The following NMBR variants were observed in gnomAD, a reference collection of about 807,000 sequenced individuals.
NMBR encodes neuromedin-B receptor.
Under a neutral mutation model 20.5 loss-of-function variants are expected in NMBR, and 16 were observed. That is an observed-to-expected ratio of 0.78 (90% CI 0.53 to 1.19). The LOEUF (loss-of-function observed/expected upper bound fraction) is 1.19, where lower values mean the gene tolerates loss of function less well. NMBR is among the 50% of genes most tolerant of loss of function. The pLI, the probability that NMBR is intolerant of heterozygous loss-of-function variation, is 0.00. For synonymous variants in NMBR, 212 were observed against 196.6 expected, an observed-to-expected ratio of 1.08 and a Z score of -0.65; for missense variants, 582 against 499.1, an observed-to-expected ratio of 1.17 and a Z score of -1.58.
At chr6:142,107,181 A>G (rs1050382580) in intron 1 of NMBR, among the ~76,000 whole-genome samples, 1 of 152,162 alleles carries the variant, frequency 6.6e-6, no homozygotes, top group Non-Finnish European at 1.5e-5. Flanking sequence ...TTTTATAAAC[A>G]CTATCTAGGA....
rs1230793487 is a variant in NMBR, at chr6:142,113,085, T to C, written c.-663-23764A>G. On this transcript the variant is annotated intron_variant, in intron 1 of 3. Coordinates refer to ENST00000258042, the MANE Select transcript of NMBR (RefSeq NM_002511.4). ...TTTTTTTCAAAAATTTTTTAAATGC[T>C]ACAACTAAATTTATGATACATGCTA... 3.3e-5 allele frequency among the ~76,000 whole-genome samples: 5 copies of C among 152,076 alleles called. No homozygotes were observed. In the South Asian group the frequency reaches 6.2e-4, roughly 19 times the overall value.
At chr6:142,094,128 T>C in intron 1 of NMBR, among the ~76,000 whole-genome samples, 1 of 152,158 alleles carries the variant, frequency 6.6e-6, no homozygotes, top group Non-Finnish European at 1.5e-5. Context: ...GTAGTTTCTT[T>C]TGCTGTGCCG....
intron 1 of NMBR, among the ~76,000 whole-genome samples, chr6:142,104,060 C>T (rs1777612448): frequency 6.6e-6 from 1 of 152,136 alleles, no homozygotes; most frequent in Non-Finnish European, 1.5e-5. Flanking sequence ...AAATAACTGA[C>T]ATGTGGAAAT....
intron 2 of NMBR, among the ~76,000 whole-genome samples, chr6:142,086,692 A>G (rs1777207020): frequency 6.6e-6 from 1 of 152,150 alleles, no homozygotes; most frequent in Non-Finnish European, 1.5e-5. Context: ...TGAAACAAAG[A>G]AAGTCAGTAA....
intron 2 of NMBR, among the ~76,000 whole-genome samples, chr6:142,079,133 G>GAAAGAAAT (rs1777038166): frequency 9.1e-6 from 1 of 109,746 alleles, no homozygotes; most frequent in East Asian, 3.0e-4. Context: ...AAAGAAGAAA[G>GAAAGAAAT]AAAGAAAGAA....
In NMBR at chr6:142,133,117, A is replaced by C. The variant is rs1778174056; in HGVS notation, c.-664+13927T>G. ...AGAAGCAAACTGGCAATGTGGGTCA[A>C]GAATTAACCAACAGGAATGCCAGGA... On this transcript the variant is annotated intron_variant, in intron 1 of 3. Coordinates refer to ENST00000258042, the MANE Select transcript of NMBR (RefSeq NM_002511.4). 4 of 641,700 alleles carry C rather than the reference A, an allele frequency of 6.2e-6. No individual in the cohort carries two copies. The African/African-American group carries it at 7.3e-5, about 12-fold the overall frequency. 39.8% of individuals were successfully genotyped at this position (641,700 alleles called of 1,614,324 possible). A position where few individuals can be genotyped will look rare whatever the true frequency, so the allele number is the denominator to read the frequency against.
At chr6:142,108,189 C>T (rs1777692940) in intron 1 of NMBR, among the ~76,000 whole-genome samples, 1 of 151,926 alleles carries the variant, frequency 6.6e-6, no homozygotes, top group Non-Finnish European at 1.5e-5. Flanking sequence ...TGACTGAAAA[C>T]CTTCCAAATT....
At chr6:142,146,036 A>G (rs577514431) in intron 1 of NMBR, among the ~76,000 whole-genome samples, 1 of 152,350 alleles carries the variant, frequency 6.6e-6, no homozygotes, top group African/African-American at 2.4e-5. Context: ...TTTTGACTGG[A>G]AAGTCCAAAT....
intron 2 of NMBR, 143 bp from the exon 3 acceptor site, chr6:142,079,046 AAG>A (rs1489464078): frequency 4.3e-6 from 2 of 466,204 alleles, no homozygotes; most frequent in Non-Finnish European, 7.3e-6. Context: ...GAAAGAGAGA[AAG>A]AAAGAGAGAA....
chr6:142,102,561 T>C (rs1221221636), intron 1 of NMBR, among the ~76,000 whole-genome samples: 1 of 152,186 alleles, frequency 6.6e-6, no homozygotes, highest in Non-Finnish European at 1.5e-5. Flanking sequence ...AATTCTATTA[T>C]GTAGTATAAC....
intron 1 of NMBR, among the ~76,000 whole-genome samples, chr6:142,144,609 T>G (rs1252044408): frequency 1.3e-5 from 2 of 152,196 alleles, no homozygotes; most frequent in East Asian, 3.8e-4. Context: ...ATGTAGGTCT[T>G]TCTAGTAAAA....
At chr6:142,107,962 C>A (rs1215754110) in intron 1 of NMBR, among the ~76,000 whole-genome samples, 1 of 151,732 alleles carries the variant, frequency 6.6e-6, no homozygotes, top group Non-Finnish European at 1.5e-5. Flanking sequence ...GAGTGCTCAG[C>A]AGTAGATTTG....
chr6:142,100,676 T>C (rs1174801951), intron 1 of NMBR, among the ~76,000 whole-genome samples: 1 of 152,174 alleles, frequency 6.6e-6, no homozygotes, highest in African/African-American at 2.4e-5. Context: ...ACAGGAAAAT[T>C]GAACTCTAAT....
chr6:142,114,966 T>G (rs1777825078), intron 1 of NMBR, among the ~76,000 whole-genome samples: 1 of 152,128 alleles, frequency 6.6e-6, no homozygotes, highest in African/African-American at 2.4e-5. Flanking sequence ...TAAAGAGAAC[T>G]GAAACTTAGC....
At chr6:142,125,512 C>CACATATACATGTTCATGCAT (rs1211570455) in intron 1 of NMBR, among the ~76,000 whole-genome samples, 2 of 76,876 alleles carry the variant, frequency 2.6e-5, no homozygotes, top group Non-Finnish European at 6.4e-5. Flanking sequence ...CATATACATA[C>CACATATACATGTTCATGCAT]ATACACAATT....
rs147505654 is a variant in NMBR at position 142,075,903 on chromosome 6, G to C, written c.918C>G (p.Thr306=). Residue 306 remains threonine (T), a synonymous_variant, in exon 4 of 4, where the codon ACC becomes ACG. Transcript: ENST00000258042. ...CAAAACTGAGAACCCGGGCAACTAAGGTGACAATCATGTGGCCTAGAGATG... is the reference window on the plus strand; with the variant it reads ...CAAAACTGAGAACCCGGGCAACTAACGTGACAATCATGTGGCCTAGAGATG... ...IDPSLGHMIV[T]LVARVLSFGN... 6.2e-7 allele frequency: 1 copy of C among 1,613,992 alleles called. No individual in the cohort carries two copies. The highest frequency in any genetic ancestry group is 2.2e-5 in the East Asian group (1 of 44,880).
chr6:142,121,468 T>C (rs1447949317), intron 1 of NMBR, among the ~76,000 whole-genome samples: 1 of 151,930 alleles, frequency 6.6e-6, no homozygotes, highest in Non-Finnish European at 1.5e-5. Context: ...GAAAAATTCT[T>C]GAAGGAAATT....
At chr6:142,108,766 G>A (rs4455685) in intron 1 of NMBR, among the ~76,000 whole-genome samples, 15,835 of 152,016 alleles carry the variant, frequency 0.1, 927 homozygotes, top group Admixed American at 0.16. Flanking sequence ...CAAATATCAT[G>A]TCCGCACATT....
Position 142,088,918 on chromosome 6 carries a change from G to A in NMBR, c.-260C>T. 1 of 363,952 alleles carries A rather than the reference G, an allele frequency of 2.7e-6. No individual in the cohort carries two copies. The highest frequency in any genetic ancestry group is 5.0e-6 in the Non-Finnish European group (1 of 201,000). 22.5% of individuals were successfully genotyped at this position (363,952 alleles called of 1,614,324 possible). On this transcript the variant is annotated 5_prime_UTR_variant, in exon 2 of 4. Transcript: ENST00000258042. ...AATTTAAATTAAAAAAAAAAAAAAA[G>A]CAAAGCGGTTGCGTCTTTGTTCCGT...
Sources: allele counts gnomAD v4.1 joint callset (sites outside exome capture counted in the v4.1 genomes callset), GRCh38; gene constraint gnomAD v4.1.1; transcripts MANE v1.5; gene names NCBI Gene and HGNC (gene_info 2026-07-23, HGNC 2026-07-21).